The following PARD3 variants were observed in gnomAD, a reference collection of about 807,000 sequenced individuals.
PARD3 encodes partitioning defective 3 homolog.
A neutral mutation model predicts 155.4 loss-of-function variants in PARD3; 75 were observed. That is an observed-to-expected ratio of 0.48 (90% CI 0.40 to 0.58). PARD3 has a LOEUF of 0.58. PARD3 is among the 20% of genes least tolerant of loss of function. The pLI is 0.00. For synonymous variants in PARD3, 576 were observed against 610.5 expected, an observed-to-expected ratio of 0.94 and a Z score of 0.83; for missense variants, 1,642 against 1,721.7, an observed-to-expected ratio of 0.95 and a Z score of 0.82.
intron 3 of PARD3, among the ~76,000 whole-genome samples, chr10:34,471,187 T>C (rs941716375): frequency 6.6e-6 from 1 of 152,256 alleles, no homozygotes; most frequent in Non-Finnish European, 1.5e-5. Context: ...GTTTCTGTCA[T>C]ATACTCACAT....
rs5784413 is a variant in PARD3 at position 34,400,825 on chromosome 10, C to CTT, written c.806+999_806+1000dup. On this transcript the variant is annotated intron_variant, in intron 6 of 24. Coordinates refer to ENST00000374788, the MANE Select transcript of PARD3 (RefSeq NM_001184785.2). ...AAATGGTTAAATGGATTTTTTATTA[C>CTT]TTTTTTTTTTTTACCAAATTTCATA... 6.8e-3 allele frequency among the ~76,000 whole-genome samples: 1,001 copies of CTT among 146,614 alleles called. 14 individuals carry two copies. Among genetic ancestry groups the CTT allele is most frequent in the African/African-American group, 0.02 (794 of 40,488 alleles).
chr10:34,404,409 G>A (rs1844223289), intron 5 of PARD3, among the ~76,000 whole-genome samples: 1 of 152,188 alleles, frequency 6.6e-6, no homozygotes, highest in Non-Finnish European at 1.5e-5. Context: ...GCTTACGCCT[G>A]TAATCCCAGC....
chr10:34,377,803 C>CTAATAAATT, intron 10 of PARD3, among the ~76,000 whole-genome samples, 164 bp downstream of exon 10: 1 of 151,976 alleles, frequency 6.6e-6, no homozygotes, highest in South Asian at 2.1e-4. Context: ...TAAAAAATAA[C>CTAATAAATT]ATGGAAAATC....
At chr10:34,344,280 GTTTTT>G (rs34595794) in intron 15 of PARD3, 156 of 872,664 alleles carry the variant, frequency 1.8e-4, no homozygotes, top group Non-Finnish European at 1.9e-4. Flanking sequence ...GTTTGTTTTT[GTTTTT>G]TTTTTTTTTT....
chr10:34,168,007 T>G (rs1234331491), intron 22 of PARD3, among the ~76,000 whole-genome samples: 6 of 151,178 alleles, frequency 4.0e-5, no homozygotes, highest in Non-Finnish European at 5.9e-5. Flanking sequence ...GAAACATGAG[T>G]TTTTTTTTGA....
At chr10:34,236,610 C>T (rs1953249578) in intron 22 of PARD3, among the ~76,000 whole-genome samples, 3 of 152,112 alleles carry the variant, frequency 2.0e-5, no homozygotes, top group Admixed American at 2.0e-4. Context: ...CAACCCTGAC[C>T]GCCTTGCAAC....
chr10:34,276,365 C>G (rs554385108), intron 21 of PARD3, among the ~76,000 whole-genome samples: 18 of 152,076 alleles, frequency 1.2e-4, no homozygotes, highest in Non-Finnish European at 1.8e-4. Context: ...TTCTTTCCTG[C>G]TGTCACTAAA....
chr10:34,791,448 C>A (rs907731888), intron 1 of PARD3, among the ~76,000 whole-genome samples: 5 of 152,180 alleles, frequency 3.3e-5, no homozygotes, highest in African/African-American at 4.8e-5. Context: ...CGGCTCGAAG[C>A]CAACACCGAG....
At chr10:34,310,821 A>T (rs1208181650) in intron 20 of PARD3, among the ~76,000 whole-genome samples, 1 of 152,180 alleles carries the variant, frequency 6.6e-6, no homozygotes, top group Non-Finnish European at 1.5e-5. Context: ...CAAATTCAGA[A>T]CTCACTCCAA....
chr10:34,541,670 A>C (rs190417410), intron 2 of PARD3, among the ~76,000 whole-genome samples: 37 of 152,326 alleles, frequency 2.4e-4, no homozygotes, highest in East Asian at 1.9e-4. Context: ...GCTAATTTTT[A>C]AGTGTCCACA....
At chr10:34,299,704 C>A (rs1397873496) in intron 20 of PARD3, among the ~76,000 whole-genome samples, 3 of 152,050 alleles carry the variant, frequency 2.0e-5, no homozygotes, top group Non-Finnish European at 4.4e-5. Flanking sequence ...AATGTGGGAC[C>A]TTCTGAAAAA....
rs769226923 is a variant in PARD3, at chr10:34,355,646, T to C, written c.2067+3501A>G. Among the ~76,000 whole-genome samples the C allele has an allele frequency of 4.4e-4, 66 of 151,682 alleles. 1 individual carries two copies. The highest frequency in any genetic ancestry group is 5.7e-4 in the Non-Finnish European group (39 of 67,846). On this transcript the variant is annotated intron_variant, in intron 14 of 24. Coordinates refer to ENST00000374788, the MANE Select transcript of PARD3 (RefSeq NM_001184785.2). ...AGAGCAGAGTAAAAACAAACAGACC[T>C]GGTGGGGCGCAGTGGCTCACGCCTG...
intron 5 of PARD3, among the ~76,000 whole-genome samples, chr10:34,422,662 A>T (rs2075379085): frequency 6.6e-6 from 1 of 152,190 alleles, no homozygotes; most frequent in Non-Finnish European, 1.5e-5. Flanking sequence ...ACATACAAGT[A>T]GCCAACAGGT....
At position 34,337,399 on chromosome 10, in the gene PARD3, A is replaced by C. The variant is rs1255754437; in HGVS notation, c.2436T>G (p.Val812=). ...CAAATCCTTCTCGTTGAAAAGCAAG[A>C]ACTGGATCAACATCTGGACTCAAAG... The part of the protein sequence containing the change: ...DCSLSPDVDP[V]LAFQREGFGR... The change falls in exon 17 of 25, where the codon GTT becomes GTG. Residue 812 remains valine, a synonymous_variant. Coordinates refer to ENST00000374788, the MANE Select transcript of PARD3 (RefSeq NM_001184785.2). The C allele has an allele frequency of 5.6e-6, 9 of 1,600,626 alleles. No individual in the cohort carries two copies. In the Admixed American group the frequency reaches 1.2e-4, roughly 22 times the overall value.
rs57894468 is a variant in PARD3, at chr10:34,138,962, CA to C, written c.3420-7380del. Among the ~76,000 whole-genome samples, 593 of 144,408 alleles carry C rather than the reference CA, an allele frequency of 4.1e-3. 2 individuals are homozygous for C. The highest frequency in any genetic ancestry group is 0.013 in the African/African-American group (497 of 39,036). The allele number at this position is 144,408 out of a possible 152,430, so 94.7% of individuals were successfully genotyped here. ...CTGGAAATAATGCAATACCACACTC[CA>C]AAAAAAAAAAAGAAAAAAGCTTTTT... On this transcript the variant is annotated intron_variant, in intron 22 of 24. Transcript: ENST00000374788.
chr10:34,446,559 G>A (rs1462676718), intron 5 of PARD3, among the ~76,000 whole-genome samples: 1 of 152,172 alleles, frequency 6.6e-6, no homozygotes, highest in African/African-American at 2.4e-5. Flanking sequence ...CTGGGTCCAT[G>A]AGAAACTATC....
At chr10:34,772,812 A>C (rs1163859066) in intron 1 of PARD3, among the ~76,000 whole-genome samples, 2 of 151,830 alleles carry the variant, frequency 1.3e-5, no homozygotes, top group African/African-American at 2.4e-5. Flanking sequence ...AAAAAAAAAA[A>C]AAAACTATTT....
chr10:34,321,753 G>GA (rs1168223592), intron 19 of PARD3, among the ~76,000 whole-genome samples: 7 of 152,186 alleles, frequency 4.6e-5, no homozygotes, highest in Non-Finnish European at 5.9e-5. Flanking sequence ...ACTCAACTCT[G>GA]AAAGGTATCA....
rs191837395 is a variant in PARD3 at position 34,524,918 on chromosome 10, G to A, written c.223-7759C>T. 2.3e-4 allele frequency among the ~76,000 whole-genome samples: 35 copies of A among 152,284 alleles called. No individual in the cohort carries two copies. In the East Asian group the frequency reaches 5.8e-3, roughly 25 times the overall value. ...GATGAATAATCTCAGAAGCAAATGC[G>A]ATGATGTAGTAACTAATTATTACGT... On this transcript the variant is annotated intron_variant, in intron 2 of 24. Coordinates refer to ENST00000374788, the MANE Select transcript of PARD3 (RefSeq NM_001184785.2).
Sources: gnomAD v4.1 joint callset for allele counts (sites outside exome capture counted in the v4.1 genomes callset) on GRCh38, gnomAD v4.1.1 for gene constraint, MANE v1.5 for transcripts, NCBI Gene and HGNC (gene_info 2026-07-23, HGNC 2026-07-21) for gene names.